The following GYPE variants were observed in gnomAD, a reference collection of about 807,000 sequenced individuals.
GYPE encodes the protein glycophorin-E.
In GYPE, 8 loss-of-function variants were observed where a neutral mutation model predicts 11.6. The observed-to-expected ratio is 0.69, with a 90% confidence interval of 0.41 to 1.25. The LOEUF (loss-of-function observed/expected upper bound fraction) is 1.25, where lower values mean the gene tolerates loss of function less well. Ranked by LOEUF, GYPE falls within the 50% of genes most tolerant of loss-of-function variation. The pLI, the probability that GYPE is intolerant of heterozygous loss-of-function variation, is 0.01. For synonymous variants in GYPE, 28 were observed against 29.6 expected, an observed-to-expected ratio of 0.94 and a Z score of 0.18; for missense variants, 90 against 92.8, an observed-to-expected ratio of 0.97 and a Z score of 0.12.
At chr4:143,904,620 T>A (rs1560955309) in intron 1 of GYPE, among the ~76,000 whole-genome samples, 1 of 152,260 alleles carries the variant, frequency 6.6e-6, no homozygotes, top group East Asian at 1.9e-4. Flanking sequence ...CCCTGTATGC[T>A]ACTGTATGCT....
At chr4:143,904,437 G>C (rs974190464) in intron 1 of GYPE, among the ~76,000 whole-genome samples, 4 of 152,222 alleles carry the variant, frequency 2.6e-5, no homozygotes, top group Middle Eastern at 3.4e-3. Flanking sequence ...CACATAATTT[G>C]CCTTAATGTT....
At chr4:143,893,874 G>A (rs994355304) in intron 1 of GYPE, among the ~76,000 whole-genome samples, 17 of 152,076 alleles carry the variant, frequency 1.1e-4, no homozygotes, top group Admixed American at 6.5e-5. Flanking sequence ...CTAGACTGGG[G>A]AAGTTCTCCT....
chr4:143,881,655 G>C (rs1208349742), intron 1 of GYPE, among the ~76,000 whole-genome samples: 1 of 152,164 alleles, frequency 6.6e-6, no homozygotes, highest in Admixed American at 6.5e-5. Flanking sequence ...TTTTATGACT[G>C]CAAAGTATTC....
At chr4:143,886,206 C>T (rs1744216517) in intron 1 of GYPE, among the ~76,000 whole-genome samples, 1 of 17,172 alleles carries the variant, frequency 5.8e-5, no homozygotes, top group African/African-American at 6.4e-5. Flanking sequence ...TTCATATTTT[C>T]TTGTATTAAT....
chr4:143,893,936 T>C (rs1442480131), intron 1 of GYPE, among the ~76,000 whole-genome samples: 1 of 152,194 alleles, frequency 6.6e-6, no homozygotes, highest in Non-Finnish European at 1.5e-5. Flanking sequence ...TCCCCATCAC[T>C]TTCAGGTACA....
At chr4:143,878,822 A>C (rs562949176) in intron 2 of GYPE, 11 of 363,990 alleles carry the variant, frequency 3.0e-5, no homozygotes, top group East Asian at 8.4e-5. Flanking sequence ...TAGCTAGTAA[A>C]ATTTATGAGG....
chr4:143,878,619 T>G, intron 2 of GYPE: 1 of 472,902 alleles, frequency 2.1e-6, no homozygotes, highest in Non-Finnish European at 4.4e-6. Context: ...ATTTTGATTC[T>G]TTGTCAAATA....
At chr4:143,879,746 C>T (rs1476322754) in intron 2 of GYPE, among the ~76,000 whole-genome samples, 2 of 152,154 alleles carry the variant, frequency 1.3e-5, no homozygotes, top group African/African-American at 4.8e-5. Flanking sequence ...AATGAGGTGA[C>T]TGCGTGGACA....
At chr4:143,875,406 T>G (rs576474730) in intron 3 of GYPE, 32 of 1,519,910 alleles carry the variant, frequency 2.1e-5, no homozygotes, top group Middle Eastern at 3.7e-4. Flanking sequence ...GGTTGGGGCA[T>G]AAGCAAAGGA....
At chr4:143,903,524 C>CAAAAAAAAAAAAAAAA (rs11400558) in intron 1 of GYPE, among the ~76,000 whole-genome samples, 8 of 98,836 alleles carry the variant, frequency 8.1e-5, no homozygotes, top group South Asian at 4.3e-4. Flanking sequence ...TTTTTCATAG[C>CAAAAAAAAAAAAAAAA]AAAAAAAAAA....
At chr4:143,896,241 T>C (rs1744628208) in intron 1 of GYPE, among the ~76,000 whole-genome samples, 1 of 152,136 alleles carries the variant, frequency 6.6e-6, no homozygotes, top group Admixed American at 6.6e-5. Flanking sequence ...TGGGAGAACA[T>C]TTTTGCAACC....
chr4:143,873,185 C>T (rs1227131047), intron 3 of GYPE, among the ~76,000 whole-genome samples: 1 of 151,980 alleles, frequency 6.6e-6, no homozygotes, highest in Non-Finnish European at 1.5e-5. Context: ...TTTAAAATTT[C>T]AAAATATTCA....
chr4:143,881,549 T>G (rs1026703283), intron 1 of GYPE, among the ~76,000 whole-genome samples: 35 of 152,262 alleles, frequency 2.3e-4, no homozygotes, highest in Admixed American at 2.1e-3. Flanking sequence ...GGTGTTTAAA[T>G]ATATATGAAT....
rs1416473034 is a variant in GYPE at position 143,891,923 on chromosome 4, G to A, written c.38-11414C>T. 2.0e-5 allele frequency among the ~76,000 whole-genome samples: 3 copies of A among 152,268 alleles called. No individual in the cohort carries two copies. In the East Asian group the frequency reaches 5.8e-4, roughly 29 times the overall value. On this transcript the variant is annotated intron_variant, in intron 1 of 3. Coordinates refer to ENST00000358615, the MANE Select transcript of GYPE (RefSeq NM_198682.3). Reference sequence around the variant, plus strand: ...CTTGTACCTCTGGTAGAATTCGGCTGTGAATCCATCTGGTCCTGGACTCTT... The same window carrying A: ...CTTGTACCTCTGGTAGAATTCGGCTATGAATCCATCTGGTCCTGGACTCTT...
At chr4:143,883,533 T>C (rs1360046610) in intron 1 of GYPE, among the ~76,000 whole-genome samples, 4 of 142,138 alleles carry the variant, frequency 2.8e-5, no homozygotes, top group South Asian at 2.2e-4. Flanking sequence ...AATAATAACA[T>C]GTAATTAATT....
At chr4:143,877,218 G>C (rs374607832) in intron 2 of GYPE, among the ~76,000 whole-genome samples, 66 of 152,216 alleles carry the variant, frequency 4.3e-4, no homozygotes, top group Middle Eastern at 3.4e-3. Context: ...CCCATAGTTT[G>C]GAAATTATGA....
Position 143,890,419 on chromosome 4 carries a change from A to G in GYPE, c.38-9910T>C, listed in dbSNP as rs139298204. On this transcript the variant is annotated intron_variant, in intron 1 of 3. Coordinates refer to ENST00000358615, the MANE Select transcript of GYPE (RefSeq NM_198682.3). Reference sequence around the variant, plus strand: ...ATTTGGGCTTAAGGAAGTTGGGCTGAATGAAAATAATTTCAATTGAAAACA... The same window carrying G: ...ATTTGGGCTTAAGGAAGTTGGGCTGGATGAAAATAATTTCAATTGAAAACA... Among the ~76,000 whole-genome samples the G allele has an allele frequency of 5.7e-3, 861 of 152,336 alleles. 13 individuals are homozygous for G. The highest frequency in any genetic ancestry group is 0.02 in the African/African-American group (823 of 41,560).
chr4:143,883,784 A>G (rs1429023090), intron 1 of GYPE, among the ~76,000 whole-genome samples: 3 of 151,708 alleles, frequency 2.0e-5, no homozygotes, highest in Non-Finnish European at 4.4e-5. Context: ...CCAATGAAAT[A>G]TTTTCAACAT....
chr4:143,896,032 T>A (rs1193956446), intron 1 of GYPE, among the ~76,000 whole-genome samples: 4 of 152,110 alleles, frequency 2.6e-5, no homozygotes, highest in African/African-American at 9.7e-5. Context: ...ACTTAAACGT[T>A]AGACCTAAAA....
Sources: gnomAD v4.1 joint callset for allele counts (sites outside exome capture counted in the v4.1 genomes callset) on GRCh38, gnomAD v4.1.1 for gene constraint, MANE v1.5 for transcripts, NCBI Gene and HGNC (gene_info 2026-07-23, HGNC 2026-07-21) for gene names.